Variants in PIK3CD observed in about 807,000 individuals in gnomAD.
The protein encoded by PIK3CD is phosphatidylinositol-4,5-bisphosphate 3-kinase catalytic subunit delta, also known as phosphatidylinositol 4,5-bisphosphate 3-kinase catalytic subunit delta isoform.
In PIK3CD, 20 loss-of-function variants were observed where a neutral mutation model predicts 122.9. That is an observed-to-expected ratio of 0.16 (90% CI 0.11 to 0.24). The LOEUF (loss-of-function observed/expected upper bound fraction) is 0.24. Ranked by LOEUF, PIK3CD falls within the 10% of genes least tolerant of loss-of-function variation. The pLI, the probability that PIK3CD is intolerant of heterozygous loss-of-function variation, is 1.00. For missense variants in PIK3CD, 787 were observed against 1,406.3 expected, an observed-to-expected ratio of 0.56 and a Z score of 7.04; for synonymous variants, 596 against 593.4, an observed-to-expected ratio of 1.00 and a Z score of -0.06.
chr1:9,651,517 G>A (rs1644670269), upstream of PIK3CD, among the ~76,000 whole-genome samples: 1 of 152,216 alleles, frequency 6.6e-6, no homozygotes, highest in Admixed American at 6.5e-5. Flanking sequence ...TTTTGTAGAA[G>A]GGCAAGCAAG....
chr1:9,655,084 A>G (rs373442981), intron 1 of PIK3CD, among the ~76,000 whole-genome samples: 1 of 151,806 alleles, frequency 6.6e-6, no homozygotes, highest in East Asian at 1.9e-4. Flanking sequence ...AAAAAAAGAA[A>G]AAAAAGCTCT....
chr1:9,627,781 GA>G, the PIK3CD span, among the ~76,000 whole-genome samples: 1 of 152,330 alleles, frequency 6.6e-6, no homozygotes, highest in South Asian at 2.1e-4. Flanking sequence ...GGTGCTGAGG[GA>G]TGACTGCTGC....
intron 2 of PIK3CD, among the ~76,000 whole-genome samples, chr1:9,706,172 C>T (rs1324706925): frequency 6.7e-6 from 1 of 149,132 alleles, no homozygotes; most frequent in African/African-American, 2.5e-5. Flanking sequence ...CAGGCATGAG[C>T]CACTGCGACC....
In PIK3CD at chr1:9,721,753, C is replaced by A; in HGVS notation, c.1956-8C>A. 1 of 1,612,952 alleles carries A rather than the reference C, an allele frequency of 6.2e-7. No homozygotes were observed. Among genetic ancestry groups the A allele is most frequent in the Non-Finnish European group, 8.5e-7 (1 of 1,179,858 alleles). ...CTGGTGAGGCTCAGCCCTCCCTTCA[C>A]CTTCCAGCTCCGAGATGCACGTGCC... On this transcript the variant is annotated splice_region_variant and splice_polypyrimidine_tract_variant and intron_variant, in intron 15 of 23. Coordinates refer to ENST00000377346, the MANE Select transcript of PIK3CD (RefSeq NM_005026.5).
chr1:9,722,741 C>T lies in PIK3CD; in HGVS notation c.2426+135C>T, dbSNP rs192309197. Reference sequence around the variant, plus strand: ...GGGCTTTCCTAGGAAGACCCGGAGGCGGTTTAACTCTAGGCCAGGAGGCGG... The same window carrying T: ...GGGCTTTCCTAGGAAGACCCGGAGGTGGTTTAACTCTAGGCCAGGAGGCGG... On this transcript the variant is annotated intron_variant, in intron 19 of 23. Coordinates refer to ENST00000377346, the MANE Select transcript of PIK3CD (RefSeq NM_005026.5). The surrounding 1 kb of genome is among the most constrained non-coding windows in gnomAD (Gnocchi z 7.6). The T allele has an allele frequency of 5.4e-5, 43 of 794,502 alleles. No individual in the cohort carries two copies. Among genetic ancestry groups the T allele is most frequent in the African/African-American group, 3.2e-4 (19 of 58,852 alleles). 49.2% of individuals were successfully genotyped at this position (794,502 alleles called of 1,614,324 possible).
chr1:9,661,613 C>T (rs1645010464), intron 1 of PIK3CD, among the ~76,000 whole-genome samples: 1 of 152,022 alleles, frequency 6.6e-6, no homozygotes, highest in Non-Finnish European at 1.5e-5. Context: ...GTAATCCCAG[C>T]ACTTTTGGAG....
At chr1:9,654,067 T>C (rs1050351730) in intron 1 of PIK3CD, 1 of 1,208,892 alleles carries the variant, frequency 8.3e-7, no homozygotes, top group African/African-American at 1.6e-5. Context: ...CAAGAGCCCA[T>C]CTCTGAGAAA....
chr1:9,654,479 T>TGGA (rs1553156769), intron 1 of PIK3CD: 1 of 618,842 alleles, frequency 1.6e-6, no homozygotes. Context: ...CACCAATGGT[T>TGGA]GTGCGAAAGC....
intron 1 of PIK3CD, among the ~76,000 whole-genome samples, chr1:9,664,150 G>C (rs976552165): frequency 1.4e-4 from 20 of 147,978 alleles, no homozygotes; most frequent in Non-Finnish European, 2.2e-4. Context: ...CCGGGTTCAA[G>C]TGATTCTCCT....
At chr1:9,688,290 C>G (rs949142395) in intron 1 of PIK3CD, 2 of 152,456 alleles carry the variant, frequency 1.3e-5, no homozygotes, top group African/African-American at 4.8e-5. Flanking sequence ...CCCGCTTCCT[C>G]CTCTGCGTTC....
At chr1:9,684,553 G>GA (rs377467307) in intron 1 of PIK3CD, among the ~76,000 whole-genome samples, 7,199 of 141,020 alleles carry the variant, frequency 0.051, 251 homozygotes, top group African/African-American at 0.098. Context: ...AAAAAAAAAA[G>GA]AAAAAAGAAA....
At chr1:9,685,837 G>A (rs1041146102) in intron 1 of PIK3CD, among the ~76,000 whole-genome samples, 6 of 152,040 alleles carry the variant, frequency 3.9e-5, no homozygotes, top group African/African-American at 1.5e-4. Flanking sequence ...AACTACAGGC[G>A]CCCTCAGTCG....
upstream of PIK3CD, among the ~76,000 whole-genome samples, chr1:9,648,433 C>G (rs1194943113): frequency 6.6e-6 from 1 of 152,202 alleles, no homozygotes; most frequent in African/African-American, 2.4e-5. Flanking sequence ...GAAACAAACT[C>G]TAAAGACCAG....
intron 2 of PIK3CD, among the ~76,000 whole-genome samples, chr1:9,706,916 C>T (rs1196924925): frequency 6.6e-6 from 1 of 151,358 alleles, no homozygotes; most frequent in Non-Finnish European, 1.5e-5. Context: ...AGTGATCCTT[C>T]CACCTCAGCT....
chr1:9,718,595 C>A lies in PIK3CD; in HGVS notation c.1021-99C>A. ...TTCGTGTGGGAAGTAGAGTTCAGAC[C>A]CACCTGAGGACATTCAAGGGGGAGA... On this transcript the variant is annotated intron_variant, in intron 8 of 23. Coordinates refer to ENST00000377346, the MANE Select transcript of PIK3CD (RefSeq NM_005026.5). This position sits in a 1 kb window ranked among gnomAD's most constrained non-coding sequence, Gnocchi z 7.2. 1 of 1,122,094 alleles carries A rather than the reference C, an allele frequency of 8.9e-7. No homozygotes were observed. Among genetic ancestry groups the A allele is most frequent in the Non-Finnish European group, 1.3e-6 (1 of 759,996 alleles). 69.5% of individuals were successfully genotyped at this position (1,122,094 alleles called of 1,614,324 possible).
Position 9,722,370 on chromosome 1 carries a change from C to T in PIK3CD, c.2347+14C>T, listed in dbSNP as rs765903479. On this transcript the variant is annotated intron_variant, in intron 18 of 23. Transcript: ENST00000377346. This position sits in a 1 kb window ranked among gnomAD's most constrained non-coding sequence, Gnocchi z 7.6. ...AGAACGGGGATGGTGAGGGCCTGGC[C>T]TCCCCACACCCCGCCTGTACTGCCC... The T allele has an allele frequency of 1.8e-5, 29 of 1,598,916 alleles. No individual in the cohort carries two copies. The Admixed American group carries it at 4.9e-4, about 27-fold the overall frequency.
intron 1 of PIK3CD, among the ~76,000 whole-genome samples, chr1:9,675,836 G>C (rs1202583530): frequency 1.3e-5 from 2 of 151,918 alleles, no homozygotes; most frequent in African/African-American, 4.8e-5. Flanking sequence ...TGCGATCATA[G>C]TTTACTGCAA....
chr1:9,643,196 G>A, the PIK3CD span, among the ~76,000 whole-genome samples: 92 of 151,564 alleles, frequency 6.1e-4, no homozygotes, highest in Admixed American at 1.6e-3. Context: ...ATCACCGGAG[G>A]TCGGGAGTTC....
At chr1:9,633,441 G>A in the PIK3CD span, among the ~76,000 whole-genome samples, 2 of 152,146 alleles carry the variant, frequency 1.3e-5, no homozygotes, top group Non-Finnish European at 2.9e-5. Context: ...CCTAGTAGCT[G>A]GGATTACAGG....
Sources: allele counts gnomAD v4.1 joint callset (sites outside exome capture counted in the v4.1 genomes callset), GRCh38; gene constraint gnomAD v4.1.1; non-coding constraint Gnocchi (gnomAD v3.1); transcripts MANE v1.5; gene names NCBI Gene and HGNC (gene_info 2026-07-23, HGNC 2026-07-21).